The following NPHP4 variants were observed in gnomAD, a reference collection of about 807,000 sequenced individuals.
The protein encoded by NPHP4 is nephrocystin-4.
A neutral mutation model predicts 155.8 loss-of-function variants in NPHP4; 151 were observed. The observed-to-expected ratio is 0.97, with a 90% CI of 0.85 to 1.11. NPHP4 has a LOEUF of 1.11. NPHP4 is among the 50% of genes least tolerant of loss of function. NPHP4 has a pLI of 0.00. For missense variants in NPHP4, 1,956 were observed against 1,925.7 expected, an observed-to-expected ratio of 1.02 and a Z score of -0.29; for synonymous variants, 845 against 816.8, an observed-to-expected ratio of 1.03 and a Z score of -0.59.
chr1:5,979,980 CCT>C (rs1329239198), intron 2 of NPHP4, among the ~76,000 whole-genome samples: 2 of 152,132 alleles, frequency 1.3e-5, no homozygotes, highest in Non-Finnish European at 2.9e-5. Context: ...TGCCCCACTA[CCT>C]CTGTCTGGCT....
intron 15 of NPHP4, 104 bp from the exon 16 acceptor site, chr1:5,904,908 G>A: frequency 2.5e-6 from 3 of 1,179,260 alleles, no homozygotes; most frequent in Non-Finnish European, 3.7e-6. Flanking sequence ...CTTAGTCGCT[G>A]GGGAACAGTA....
intron 9 of NPHP4, among the ~76,000 whole-genome samples, chr1:5,938,043 C>T (rs12065728): frequency 0.029 from 4,409 of 152,274 alleles, 195 homozygotes; most frequent in African/African-American, 0.097. Context: ...ACCATACAGG[C>T]GCAGGAAACA....
At chr1:5,907,618 TC>T (rs1223907788) in intron 12 of NPHP4, among the ~76,000 whole-genome samples, 1 of 152,158 alleles carries the variant, frequency 6.6e-6, no homozygotes, top group African/African-American at 2.4e-5. Context: ...CGAACAAACC[TC>T]CCTGTTAAGG....
intron 6 of NPHP4, among the ~76,000 whole-genome samples, chr1:5,959,993 C>T (rs1236734024): frequency 6.6e-6 from 1 of 152,226 alleles, no homozygotes; most frequent in Non-Finnish European, 1.5e-5. Context: ...CTCACAGCGG[C>T]GCCTACAGGG....
At chr1:5,978,731 C>T (rs1418714211) in intron 2 of NPHP4, among the ~76,000 whole-genome samples, 1 of 152,158 alleles carries the variant, frequency 6.6e-6, no homozygotes, top group Admixed American at 6.5e-5. Context: ...GCCCAGGGCT[C>T]CCAGCAGCCA....
chr1:5,877,504 T>C, intron 19 of NPHP4: 1 of 412,836 alleles, frequency 2.4e-6, no homozygotes, highest in Non-Finnish European at 4.3e-6. Flanking sequence ...ATCCCCTCCT[T>C]TCCTCAGCCT....
chr1:5,872,098 T>A (rs1300906660), intron 23 of NPHP4, among the ~76,000 whole-genome samples: 1 of 152,210 alleles, frequency 6.6e-6, no homozygotes, highest in Admixed American at 6.5e-5. Context: ...TAAACCCCTA[T>A]GTGAAAGTGT....
At chr1:5,918,691 C>T (rs1245753900) in intron 11 of NPHP4, among the ~76,000 whole-genome samples, 1 of 152,186 alleles carries the variant, frequency 6.6e-6, no homozygotes, top group South Asian at 2.1e-4. Flanking sequence ...CAGGCGCATA[C>T]TGAATGTTTA....
intron 17 of NPHP4, 114 bp from the exon 18 acceptor site, chr1:5,887,580 G>C (rs1025127917): frequency 1.0e-5 from 12 of 1,158,820 alleles, no homozygotes; most frequent in African/African-American, 9.1e-5. Flanking sequence ...TGGGCGGGAG[G>C]GGGTGTGCGC....
intron 17 of NPHP4, 57 bp from the exon 18 acceptor site, chr1:5,887,523 A>G: frequency 1.3e-6 from 2 of 1,562,696 alleles, no homozygotes; most frequent in Non-Finnish European, 1.7e-6. Context: ...TGCTTCCACC[A>G]GCCCTGCAGG....
At chr1:5,958,856 C>CAAAAAAAAAAAAA (rs397705325) in intron 6 of NPHP4, among the ~76,000 whole-genome samples, 4 of 75,854 alleles carry the variant, frequency 5.3e-5, no homozygotes, top group African/African-American at 6.3e-5. Context: ...GACCCTGTCT[C>CAAAAAAAAAAAAA]AAAAAAAAAA....
intron 1 of NPHP4, among the ~76,000 whole-genome samples, chr1:5,986,833 GTT>G (rs1473053018): frequency 6.6e-6 from 1 of 152,150 alleles, no homozygotes; most frequent in Non-Finnish European, 1.5e-5. Flanking sequence ...ATGAAGGGAT[GTT>G]TTATTCAGCT....
At chr1:5,961,602 A>C (rs1017541560) in intron 6 of NPHP4, among the ~76,000 whole-genome samples, 192 bp downstream of exon 6, 2 of 152,128 alleles carry the variant, frequency 1.3e-5, no homozygotes, top group African/African-American at 4.8e-5. Context: ...ACTATTTAGG[A>C]GGGAAACGGA....
chr1:5,909,713 A>T (rs1181416767), intron 11 of NPHP4, among the ~76,000 whole-genome samples: 2 of 152,132 alleles, frequency 1.3e-5, no homozygotes, highest in African/African-American at 4.8e-5. Context: ...AGGATTCTCC[A>T]TGCAGGCCCG....
intron 11 of NPHP4, among the ~76,000 whole-genome samples, chr1:5,924,815 T>G (rs1184321587): frequency 6.6e-6 from 1 of 152,092 alleles, no homozygotes; most frequent in Non-Finnish European, 1.5e-5. Context: ...CCACCGCGCA[T>G]AGCTAATTTG....
rs2100733826 is a variant in NPHP4, at chr1:5,880,114, G to A, written c.2611C>T (p.Arg871Ter). The change falls in exon 19 of 30, where the codon CGA (arginine) becomes TGA (stop). Residue 871 changes from arginine to a stop codon, truncating the protein, a stop_gained and splice_region_variant. Coordinates refer to ENST00000378156, the MANE Select transcript of NPHP4 (RefSeq NM_015102.5). LOFTEE classifies it high-confidence loss of function. The stretch of plus-strand genomic sequence containing the variant: ...CATGGGCCCAACAGTGTAAACTCAC[G>A]CCTTGAGCTTCCAGTCGTGAGGAGG... Reference protein sequence around the residue: ...GSLLTTGSSRRKHVVQAQKLA... With the variant: ...GSLLTTGSSR 7 of 1,613,584 alleles carry A rather than the reference G, an allele frequency of 4.3e-6. No individual in the cohort carries two copies. The highest frequency in any genetic ancestry group is 5.9e-6 in the Non-Finnish European group (7 of 1,179,710).
At chr1:5,947,797 A>G (rs1647189486) in intron 8 of NPHP4, among the ~76,000 whole-genome samples, 1 of 152,210 alleles carries the variant, frequency 6.6e-6, no homozygotes, top group Non-Finnish European at 1.5e-5. Context: ...GGCAGCATGC[A>G]AGGCCTCCGT....
intron 2 of NPHP4, among the ~76,000 whole-genome samples, chr1:5,985,497 C>A (rs1233475195): frequency 1.3e-5 from 2 of 152,240 alleles, no homozygotes; most frequent in African/African-American, 4.8e-5. Flanking sequence ...GTAGCTCAGC[C>A]CCTGCAGTCC....
At chr1:5,964,802 C>T (rs1458518846) in intron 5 of NPHP4, among the ~76,000 whole-genome samples, 3 of 150,458 alleles carry the variant, frequency 2.0e-5, no homozygotes, top group African/African-American at 7.4e-5. Flanking sequence ...TACCTGGTAG[C>T]AGGTGAGGGG....
Sources: allele counts gnomAD v4.1 joint callset (sites outside exome capture counted in the v4.1 genomes callset), GRCh38; gene constraint gnomAD v4.1.1; transcripts MANE v1.5; gene names NCBI Gene and HGNC (gene_info 2026-07-23, HGNC 2026-07-21).